The following COLEC12 variants were observed in gnomAD, a reference collection of about 807,000 sequenced individuals.
COLEC12 encodes collectin subfamily member 12, also known as collectin-12.
In COLEC12, 33 loss-of-function variants were observed where a neutral mutation model predicts 71.1. The observed-to-expected ratio is 0.46, with a 90% confidence interval of 0.35 to 0.62. The LOEUF is 0.62. COLEC12 is among the 20% of genes least tolerant of loss of function. The probability of loss-of-function intolerance (pLI) is 0.00; values close to 1 mark genes in which losing one functional copy is unlikely to be tolerated. For synonymous variants in COLEC12, 350 were observed against 353.0 expected, an observed-to-expected ratio of 0.99 and a Z score of 0.10; for missense variants, 765 against 916.1, an observed-to-expected ratio of 0.84 and a Z score of 2.13.
intron 7 of COLEC12, 91 bp downstream of exon 7, chr18:332,916 A>G (rs1914016635): frequency 3.4e-6 from 4 of 1,181,556 alleles, no homozygotes; most frequent in Admixed American, 2.6e-5. Flanking sequence ...GGAATTCGTG[A>G]TATCTCTGAA....
At position 347,328 on chromosome 18, in the gene COLEC12, C is replaced by T. The variant is rs1914408140; in HGVS notation, c.294G>A (p.Gly98=). 7 of 1,610,558 alleles carry T rather than the reference C, an allele frequency of 4.3e-6. No homozygotes were observed. The African/African-American group carries it at 9.4e-5, about 22-fold the overall frequency. The part of the protein sequence containing the change: ...SDLKKLGDQT[G]KKAISTNSEL... ...CTGAGTTGGTGCTGATAGCTTTCTT[C>T]CCAGTTTGGTCACCTGGAATAAGAA... is the stretch of plus-strand genomic sequence containing the variant. The change falls in exon 5 of 10, where the codon GGG becomes GGA. Residue 98 remains glycine (G), a synonymous_variant. Coordinates refer to ENST00000400256, the MANE Select transcript of COLEC12 (RefSeq NM_130386.3).
intron 2 of COLEC12, among the ~76,000 whole-genome samples, chr18:405,851 G>A (rs1915773964): frequency 6.6e-6 from 1 of 152,026 alleles, no homozygotes; most frequent in South Asian, 2.1e-4. Context: ...TGTGTCAGAG[G>A]CATGTGAATC....
At chr18:343,130 A>G (rs533880187) in intron 5 of COLEC12, among the ~76,000 whole-genome samples, 7 of 152,126 alleles carry the variant, frequency 4.6e-5, no homozygotes, top group South Asian at 2.1e-4. Context: ...CATGTGTTCA[A>G]TTTCTGTCTA....
At chr18:456,350 G>A (rs1916871641) in intron 2 of COLEC12, among the ~76,000 whole-genome samples, 1 of 152,198 alleles carries the variant, frequency 6.6e-6, no homozygotes, top group African/African-American at 2.4e-5. Flanking sequence ...GTTTAAGAGT[G>A]CCAGAAAGCA....
At chr18:459,605 C>A (rs1032759015) in intron 2 of COLEC12, among the ~76,000 whole-genome samples, 2 of 152,202 alleles carry the variant, frequency 1.3e-5, no homozygotes, top group Non-Finnish European at 2.9e-5. Flanking sequence ...GGGGCCCCAG[C>A]GCAGCTTTCT....
chr18:340,090 A>AC (rs1374417764), intron 5 of COLEC12, among the ~76,000 whole-genome samples: 1 of 151,402 alleles, frequency 6.6e-6, no homozygotes, highest in African/African-American at 2.4e-5. Flanking sequence ...AAAAAAAAAA[A>AC]ACAAAAAGAA....
chr18:341,543 C>G (rs1914252848), intron 5 of COLEC12, among the ~76,000 whole-genome samples: 1 of 152,300 alleles, frequency 6.6e-6, no homozygotes, highest in East Asian at 1.9e-4. Flanking sequence ...CTTTTAGACT[C>G]AAATCATCCT....
intron 2 of COLEC12, among the ~76,000 whole-genome samples, chr18:476,003 G>T (rs569661639): frequency 6.6e-6 from 1 of 152,314 alleles, no homozygotes; most frequent in South Asian, 2.1e-4. Flanking sequence ...ACTATTTTTT[G>T]AGGAAAGAAA....
rs906867718 is a variant in COLEC12, at chr18:499,768, T to C, written c.7+740A>G. ...TGCCCTGCAGTCCTTCTCGTGCTTC[T>C]TTCTAAAGTACGATAACATCTGACA... On this transcript the variant is annotated intron_variant, in intron 1 of 9. Transcript: ENST00000400256. Among the ~76,000 whole-genome samples the C allele has an allele frequency of 2.2e-4, 33 of 152,374 alleles. 1 individual carries two copies. The highest frequency in any genetic ancestry group is 8.3e-4 in the South Asian group (4 of 4,832).
Position 331,675 on chromosome 18 carries a change from C to G in COLEC12, c.2056G>C (p.Asp686His), listed in dbSNP as rs745365677. The part of the protein sequence containing the change: ...EWKWLDGTSP[D>H]YKNWKAGQPD... ...AAGCTTCTGAGTACTTACTTGTAGT[C>G]TGGAGATGTCCCATCCAGCCACTTC... The change falls in exon 8 of 10, where the codon GAC (aspartate) becomes CAC (histidine). Residue 686 changes from aspartate to histidine, a missense_variant. Coordinates refer to ENST00000400256, the MANE Select transcript of COLEC12 (RefSeq NM_130386.3). 30 of 1,604,578 alleles carry G rather than the reference C, an allele frequency of 1.9e-5. No homozygotes were observed. The South Asian group carries it at 3.1e-4, about 16-fold the overall frequency.
intron 8 of COLEC12, among the ~76,000 whole-genome samples, chr18:326,912 A>G (rs1416519842): frequency 6.6e-6 from 1 of 152,124 alleles, no homozygotes; most frequent in Non-Finnish European, 1.5e-5. Context: ...TAGGGTTGCT[A>G]TGTTCTATTG....
Position 347,092 on chromosome 18 carries a change from T to C in COLEC12, c.530A>G (p.Tyr177Cys). 2 of 1,614,210 alleles carry C rather than the reference T, an allele frequency of 1.2e-6. No homozygotes were observed. ...GGTATCTTGCTGCAGATTCGTGACA[T>C]AGCCATTATACGCCTGGAGGGTTTT... ...VNKTLQAYNG[Y>C]VTNLQQDTSV... is the part of the protein sequence containing the mutation. Residue 177 changes from tyrosine to cysteine, a missense_variant, in exon 5 of 10, where the codon TAT (tyrosine) becomes TGT (cysteine). Physicochemically the swap from Tyr to Cys is radical, Grantham distance 194. Transcript: ENST00000400256.
intron 2 of COLEC12, among the ~76,000 whole-genome samples, chr18:368,783 G>A (rs984446374): frequency 2.6e-4 from 39 of 152,152 alleles, no homozygotes; most frequent in Admixed American, 4.6e-4. Context: ...GGAGAATGGC[G>A]TGAACCCGGG....
chr18:439,622 C>A (rs558120092), intron 2 of COLEC12, among the ~76,000 whole-genome samples: 29 of 151,152 alleles, frequency 1.9e-4, no homozygotes, highest in Non-Finnish European at 4.3e-4. Flanking sequence ...CTATTTGGAA[C>A]CAAAACCACA....
intron 2 of COLEC12, among the ~76,000 whole-genome samples, chr18:471,665 T>C (rs985103746): frequency 2.0e-5 from 3 of 151,040 alleles, no homozygotes; most frequent in African/African-American, 4.8e-5. Flanking sequence ...AATAATAATA[T>C]AAATTGTTGC....
chr18:418,142 A>AC (rs1185107718), intron 2 of COLEC12, among the ~76,000 whole-genome samples: 4 of 152,122 alleles, frequency 2.6e-5, no homozygotes, highest in Admixed American at 2.0e-4. Context: ...ACCTCTCTGT[A>AC]CCTCTGCTTC....
At chr18:488,145 T>A (rs771311402) in intron 1 of COLEC12, among the ~76,000 whole-genome samples, 13 of 152,094 alleles carry the variant, frequency 8.5e-5, no homozygotes, top group Non-Finnish European at 1.6e-4. Context: ...GCACGGTGGC[T>A]GACACCTGTA....
At chr18:364,784 G>A (rs1288015129) in intron 2 of COLEC12, among the ~76,000 whole-genome samples, 1 of 152,072 alleles carries the variant, frequency 6.6e-6, no homozygotes, top group African/African-American at 2.4e-5. Flanking sequence ...GGCTATTACT[G>A]AGGACCTGAT....
At chr18:448,467 C>G (rs1916696396) in intron 2 of COLEC12, among the ~76,000 whole-genome samples, 1 of 152,208 alleles carries the variant, frequency 6.6e-6, no homozygotes, top group African/African-American at 2.4e-5. Flanking sequence ...GACCCAGACT[C>G]TGTTATATAA....
Sources: allele counts gnomAD v4.1 joint callset (sites outside exome capture counted in the v4.1 genomes callset), GRCh38; gene constraint gnomAD v4.1.1; transcripts MANE v1.5; gene names NCBI Gene and HGNC (gene_info 2026-07-23, HGNC 2026-07-21).